PAQR3: variants seen among roughly 807,000 people sequenced by gnomAD.
PAQR3 encodes the protein progestin and adipoQ receptor family member 3.
PAQR3 carries 39 observed loss-of-function variants against 41.7 expected under a neutral mutation model. The observed-to-expected ratio is 0.93, with a 90% CI of 0.72 to 1.22. The LOEUF (loss-of-function observed/expected upper bound fraction) is 1.22. PAQR3 is among the 50% of genes most tolerant of loss of function. PAQR3 has a pLI of 0.00. For missense variants in PAQR3, 366 were observed against 385.6 expected, an observed-to-expected ratio of 0.95 and a Z score of 0.42; for synonymous variants, 140 against 140.6, an observed-to-expected ratio of 1.00 and a Z score of 0.03.
At position 78,917,927 on chromosome 4, in the gene PAQR3, C is replaced by T. The variant is rs1735242549; in HGVS notation, c.*2612G>A. 6.1e-6 allele frequency: 6 copies of T among 984,002 alleles called. No homozygotes were observed. The South Asian group carries it at 2.4e-4, about 39-fold the overall frequency. The allele number at this position is 984,002 out of a possible 1,614,324, so 61.0% of individuals were successfully genotyped here. A position where few individuals can be genotyped will look rare whatever the true frequency, so the allele number is the denominator to read the frequency against. On this transcript the variant is annotated 3_prime_UTR_variant, in exon 6 of 6. Transcript: ENST00000512733. ...GTTATGTATTACAAAGAATGACAAG[C>T]AGCAGTTAAAAATATTTAGTAAACC...
rs570366153 is a variant in PAQR3 at position 78,905,936 on chromosome 4, A to G, written c.*836+172T>C. 7.7e-4 allele frequency among the ~76,000 whole-genome samples: 117 copies of G among 152,188 alleles called. 1 individual carries two copies. The South Asian group carries it at 0.022, about 29-fold the overall frequency. ...ATTGTATAGTTATAACCAACTTTAT[A>G]ACTTAAAATACTTATTCTGACAGTC... On this transcript the variant is annotated intron_variant and NMD_transcript_variant, in intron 11 of 12. Transcript: ENST00000342820.
chr4:78,920,816 C>A, intron 5 of PAQR3, 135 bp from the exon 6 acceptor site: 1 of 926,152 alleles, frequency 1.1e-6, no homozygotes, highest in Non-Finnish European at 1.5e-6. Context: ...CTGGAAGCTC[C>A]AAACGTTTTT....
chr4:78,925,810 G>C (rs1736134720), intron 4 of PAQR3, among the ~76,000 whole-genome samples: 1 of 152,114 alleles, frequency 6.6e-6, no homozygotes, highest in African/African-American at 2.4e-5. Context: ...TTTTTGTAAT[G>C]ATCTCTAAAA....
At chr4:78,922,511 G>A in intron 5 of PAQR3, 2 of 1,088,226 alleles carry the variant, frequency 1.8e-6, no homozygotes, top group Middle Eastern at 2.4e-4. Context: ...AAAAACATCA[G>A]TTTTATGTAC....
At chr4:78,937,803 T>C (rs1174683082) in intron 1 of PAQR3, among the ~76,000 whole-genome samples, 1 of 152,192 alleles carries the variant, frequency 6.6e-6, no homozygotes, top group African/African-American at 2.4e-5. Flanking sequence ...CTCCATGAGA[T>C]TTGGACCCTA....
intron 12 of PAQR3, chr4:78,887,448 T>C (rs1733157990): frequency 1.7e-6 from 1 of 604,514 alleles, no homozygotes; most frequent in African/African-American, 1.9e-5. Flanking sequence ...TTCTTTGCAT[T>C]GAGTTATTAT....
In PAQR3 at chr4:78,919,524, C is replaced by A; in HGVS notation, c.*1015G>T. On this transcript the variant is annotated 3_prime_UTR_variant, in exon 6 of 6. Transcript: ENST00000512733. Reference sequence around the variant, plus strand: ...GCTAACACATGCAGAAACCGAGGACCAGAGCACAGGTGAATAAGATTATTA... The same window carrying A: ...GCTAACACATGCAGAAACCGAGGACAAGAGCACAGGTGAATAAGATTATTA... 1 of 985,068 alleles carries A rather than the reference C, an allele frequency of 1.0e-6. No homozygotes were observed. The highest frequency in any genetic ancestry group is 1.2e-6 in the Non-Finnish European group (1 of 829,772). 61.0% of individuals were successfully genotyped at this position (985,068 alleles called of 1,614,324 possible).
chr4:78,931,703 A>G (rs748205075), intron 2 of PAQR3, among the ~76,000 whole-genome samples: 1 of 152,212 alleles, frequency 6.6e-6, no homozygotes, highest in Admixed American at 6.5e-5. Flanking sequence ...TGGTGGGAAG[A>G]AAAGTATCAG....
At position 78,912,135 on chromosome 4, in the gene PAQR3, T is replaced by C; in HGVS notation, c.*8404A>G. The stretch of plus-strand genomic sequence containing the variant: ...TGGTAGCTCTTTATAGCATTCATTC[T>C]TAAAGATCAGTCAGAATAGGTGATT... On this transcript the variant is annotated 3_prime_UTR_variant, in exon 6 of 6. Coordinates refer to ENST00000512733, the MANE Select transcript of PAQR3 (RefSeq NM_001040202.2). The C allele has an allele frequency of 9.6e-7, 1 of 1,040,770 alleles. No individual in the cohort carries two copies. The highest frequency in any genetic ancestry group is 2.3e-5 in the Admixed American group (1 of 43,832). 64.5% of individuals were successfully genotyped at this position (1,040,770 alleles called of 1,614,324 possible).
At position 78,912,448 on chromosome 4, in the gene PAQR3, G is replaced by T. The variant is rs1734697009; in HGVS notation, c.*8091C>A. On this transcript the variant is annotated 3_prime_UTR_variant, in exon 6 of 6. Coordinates refer to ENST00000512733, the MANE Select transcript of PAQR3 (RefSeq NM_001040202.2). Reference sequence around the variant, plus strand: ...TTCTACATACACTAGTTACACTTGTGAATTTTTTTTAAGGTCTCTTTTAAT... The same window carrying T: ...TTCTACATACACTAGTTACACTTGTTAATTTTTTTTAAGGTCTCTTTTAAT... 1 of 157,462 alleles carries T rather than the reference G, an allele frequency of 6.4e-6. No homozygotes were observed. Among genetic ancestry groups the T allele is most frequent in the Admixed American group, 6.3e-5 (1 of 15,864 alleles). 9.8% of individuals were successfully genotyped at this position (157,462 alleles called of 1,614,324 possible). A position where few individuals can be genotyped will look rare whatever the true frequency, so the allele number is the denominator to read the frequency against.
chr4:78,899,149 T>G (rs1317219642), intron 11 of PAQR3: 1 of 152,264 alleles, frequency 6.6e-6, no homozygotes. Flanking sequence ...GTGAGACCCC[T>G]TCTCTTAAAG....
At chr4:78,908,269 T>C (rs896227802), downstream of PAQR3, among the ~76,000 whole-genome samples, 2 of 152,174 alleles carry the variant, frequency 1.3e-5, no homozygotes, top group Admixed American at 6.5e-5. Context: ...GCCAACAAAC[T>C]ATACAAGATG....
rs531911343 is a variant in PAQR3 at position 78,935,141 on chromosome 4, T to C, written c.328A>G (p.Ile110Val). The C allele has an allele frequency of 9.3e-6, 15 of 1,613,148 alleles. No individual in the cohort carries two copies. The highest frequency in any genetic ancestry group is 1.6e-4 in the Middle Eastern group (1 of 6,062). ...CTTACCTGGAAGCAGAAAAGACAAA[T>C]AGAACAAATTACAAAATCTTCTCTG... ...ASREDFVICS[I>V]CLFCFQVCML... The change falls in exon 2 of 6, where the codon ATT (isoleucine) becomes GTT (valine). Residue 110 changes from isoleucine (I) to valine (V), a missense_variant. Ile to Val is a conservative substitution (Grantham distance 29). Transcript: ENST00000512733.
At chr4:78,889,180 C>T (rs1053296146) in intron 11 of PAQR3, among the ~76,000 whole-genome samples, 4 of 136,232 alleles carry the variant, frequency 2.9e-5, no homozygotes, top group African/African-American at 8.6e-5. Context: ...GAGATCGTGC[C>T]AGTGCACTCC....
downstream of PAQR3, chr4:78,910,607 C>T: frequency 1.3e-6 from 2 of 1,519,886 alleles, no homozygotes. Context: ...TTTGAACTTG[C>T]AGGTTCTCCT....
intron 1 of PAQR3, among the ~76,000 whole-genome samples, chr4:78,937,490 T>C (rs896529785): frequency 2.6e-5 from 4 of 152,196 alleles, no homozygotes; most frequent in Admixed American, 2.0e-4. Flanking sequence ...TAAAATCAAA[T>C]AATCATCTTC....
chr4:78,930,891 T>C (rs73830218), intron 2 of PAQR3, among the ~76,000 whole-genome samples: 111,735 of 150,446 alleles, frequency 0.74, 41,752 homozygotes, highest in Non-Finnish European at 0.8. Flanking sequence ...TATATATATA[T>C]ATATATATAT....
intron 2 of PAQR3, among the ~76,000 whole-genome samples, chr4:78,932,004 G>A (rs904525837): frequency 1.1e-4 from 16 of 152,210 alleles, no homozygotes; most frequent in African/African-American, 3.9e-4. Context: ...CTGAGACAGT[G>A]ACAGTGGGGT....
chr4:78,920,929 A>G (rs937845023), intron 5 of PAQR3, among the ~76,000 whole-genome samples: 1 of 151,856 alleles, frequency 6.6e-6, no homozygotes, highest in Non-Finnish European at 1.5e-5. Flanking sequence ...TCAAAATCTA[A>G]CTTAATTTCA....
Sources: allele counts gnomAD v4.1 joint callset (sites outside exome capture counted in the v4.1 genomes callset), GRCh38; gene constraint gnomAD v4.1.1; transcripts MANE v1.5; gene names NCBI Gene and HGNC (gene_info 2026-07-23, HGNC 2026-07-21).